Variants in C11orf65 observed in about 807,000 individuals in gnomAD.
C11orf65 encodes the protein protein MFI.
In C11orf65, 38 loss-of-function variants were observed where a neutral mutation model predicts 35.3. The ratio of observed to expected loss-of-function variants is 1.08; its 90% CI spans 0.83 to 1.41. The LOEUF is 1.41. Ranked by LOEUF, C11orf65 falls within the 40% of genes most tolerant of loss-of-function variation. C11orf65 has a pLI of 0.00. For missense variants in C11orf65, 370 were observed against 367.1 expected (o/e 1.01, Z -0.06); for synonymous variants, 105 against 114.4 (o/e 0.92, Z 0.53).
At chr11:108,326,917 C>A (rs2085736515), downstream of C11orf65, among the ~76,000 whole-genome samples, 1 of 152,212 alleles carries the variant, frequency 6.6e-6, no homozygotes, top group Non-Finnish European at 1.5e-5. Context: ...CCTCCACCTC[C>A]CTGGTTCAAG....
chr11:108,316,784 GGT>G (rs2084695490), intron 6 of C11orf65, among the ~76,000 whole-genome samples: 1 of 149,302 alleles, frequency 6.7e-6, no homozygotes, highest in African/African-American at 2.5e-5. Context: ...AAATTAGCCG[GGT>G]GTGGTGGCGG....
At chr11:108,327,544 G>T (rs935034600), downstream of C11orf65, 6 of 960,448 alleles carry the variant, frequency 6.2e-6, no homozygotes, top group African/African-American at 1.6e-5. Context: ...CACCCACCAA[G>T]GAAAAACATT....
intron 2 of C11orf65, among the ~76,000 whole-genome samples, chr11:108,362,918 G>A (rs1025256818): frequency 1.1e-4 from 16 of 151,630 alleles, no homozygotes; most frequent in Non-Finnish European, 2.2e-4. Context: ...CCTGCACAAT[G>A]TGCACATGTA....
intron 2 of C11orf65, among the ~76,000 whole-genome samples, chr11:108,459,769 A>ACACC (rs981643793): frequency 2.6e-4 from 36 of 137,648 alleles, no homozygotes; most frequent in African/African-American, 9.3e-4. Context: ...ACACACACAC[A>ACACC]CCTCTTTATT....
chr11:108,369,378 G>A (rs974078327), intron 2 of C11orf65, among the ~76,000 whole-genome samples: 3 of 152,202 alleles, frequency 2.0e-5, no homozygotes, highest in African/African-American at 7.2e-5. Context: ...TTTGGGCCTA[G>A]AAAGTGATCT....
In C11orf65 at chr11:108,316,016, G is replaced by A. The variant is rs3218670; in HGVS notation, c.641-6945C>T. 6.8e-5 allele frequency: 110 copies of A among 1,614,020 alleles called. No homozygotes were observed. The highest frequency in any genetic ancestry group is 6.7e-4 in the South Asian group (61 of 91,074). On this transcript the variant is annotated intron_variant, in intron 6 of 6. Transcript: ENST00000525729. ...TTCACAATCTTTTCTTATAGACTAC[G>A]AACATATGAACACGAAGCAATGTGG...
intron 2 of C11orf65, among the ~76,000 whole-genome samples, chr11:108,352,751 A>G (rs1380981361): frequency 6.6e-6 from 1 of 152,236 alleles, no homozygotes; most frequent in African/African-American, 2.4e-5. Context: ...AACTATTGAT[A>G]TACATAACAA....
chr11:108,373,822 G>A (rs569925034), intron 2 of C11orf65, among the ~76,000 whole-genome samples: 118 of 152,338 alleles, frequency 7.7e-4, no homozygotes, highest in Non-Finnish European at 1.6e-3. Flanking sequence ...ACTCCCACCC[G>A]AATACTGCGC....
intron 2 of C11orf65, among the ~76,000 whole-genome samples, chr11:108,446,653 A>G (rs1461814927): frequency 2.6e-5 from 4 of 152,212 alleles, no homozygotes; most frequent in Admixed American, 6.5e-5. Context: ...GGAAAGGAAC[A>G]ACCGGTACCA....
At chr11:108,354,744 C>CAGAT in intron 2 of C11orf65, 2 of 1,318,372 alleles carry the variant, frequency 1.5e-6, no homozygotes, top group Non-Finnish European at 2.2e-6. Context: ...TGAGAGTATA[C>CAGAT]AGATAAAGAT....
downstream of C11orf65, chr11:108,331,165 C>A: frequency 8.9e-7 from 1 of 1,123,478 alleles, no homozygotes; most frequent in Non-Finnish European, 1.1e-6. Context: ...ATTTGTCTTC[C>A]TTAGATTTTT....
chr11:108,378,080 C>G (rs2091775141), downstream of C11orf65, among the ~76,000 whole-genome samples: 3 of 151,884 alleles, frequency 2.0e-5, no homozygotes, highest in South Asian at 6.3e-4. Context: ...AGATTCAATG[C>G]CATCCTCATC....
intron 6 of C11orf65, among the ~76,000 whole-genome samples, chr11:108,401,754 AC>A (rs1399027338): frequency 6.6e-6 from 1 of 151,904 alleles, no homozygotes; most frequent in Non-Finnish European, 1.5e-5. Context: ...ATCCTCCTCT[AC>A]CCCATCGGTC....
chr11:108,348,225 T>C (rs901043019), intron 2 of C11orf65, among the ~76,000 whole-genome samples: 2 of 151,574 alleles, frequency 1.3e-5, no homozygotes, highest in African/African-American at 2.4e-5. Flanking sequence ...CTTCTATGTA[T>C]ATATATAGAC....
intron 7 of C11orf65, among the ~76,000 whole-genome samples, chr11:108,387,890 C>T (rs2092050455): frequency 6.6e-6 from 1 of 152,202 alleles, no homozygotes; most frequent in South Asian, 2.1e-4. Context: ...CTTACTACTG[C>T]TACCCCTTGG....
intron 2 of C11orf65, among the ~76,000 whole-genome samples, chr11:108,338,032 T>C (rs1187440618): frequency 1.3e-5 from 2 of 152,252 alleles, no homozygotes; most frequent in African/African-American, 4.8e-5. Flanking sequence ...CACACAAAAC[T>C]ATTTTACCAT....
At position 108,437,109 on chromosome 11, in the gene C11orf65, A is replaced by AG. The variant is rs1401745662; in HGVS notation, c.82-5272_82-5271insC. On this transcript the variant is annotated intron_variant, in intron 2 of 8. Coordinates refer to ENST00000393084, the MANE Select transcript of C11orf65 (RefSeq NM_152587.5). The stretch of plus-strand genomic sequence containing the variant: ...CCCATTACGACAAAAAAAAAAAAAA[A>AG]AGGGGGGGGGTGGACAAAATTTTAA... Among the ~76,000 whole-genome samples the AG allele has an allele frequency of 1.8e-3, 173 of 97,718 alleles. 1 individual carries two copies. Among genetic ancestry groups the AG allele is most frequent in the East Asian group, 3.9e-3 (7 of 1,796 alleles). The allele number at this position is 97,718 out of a possible 152,430, so 64.1% of individuals were successfully genotyped here.
At chr11:108,420,742 C>T (rs2092803712) in intron 3 of C11orf65, among the ~76,000 whole-genome samples, 1 of 152,096 alleles carries the variant, frequency 6.6e-6, no homozygotes, top group African/African-American at 2.4e-5. Context: ...ATATTCAATA[C>T]AATCTCGATC....
At chr11:108,420,084 T>C (rs890356146) in intron 3 of C11orf65, among the ~76,000 whole-genome samples, 4 of 152,016 alleles carry the variant, frequency 2.6e-5, no homozygotes, top group East Asian at 3.9e-4. Flanking sequence ...CAAAAATTGA[T>C]TGTCTTTCTA....
Sources: gnomAD v4.1 joint callset for allele counts (sites outside exome capture counted in the v4.1 genomes callset) on GRCh38, gnomAD v4.1.1 for gene constraint, MANE v1.5 for transcripts, NCBI Gene and HGNC (gene_info 2026-07-23, HGNC 2026-07-21) for gene names.